MCTP1: variants seen among roughly 807,000 people sequenced by gnomAD.
MCTP1 encodes the protein multiple C2 and transmembrane domain-containing protein 1.
A neutral mutation model predicts 120.6 loss-of-function variants in MCTP1; 69 were observed. The observed-to-expected ratio is 0.57, with a 90% confidence interval of 0.47 to 0.70. MCTP1 has a LOEUF of 0.70. MCTP1 is among the 30% of genes least tolerant of loss of function. MCTP1 has a pLI of 0.00. For missense variants in MCTP1, 1,203 were observed against 1,248.8 expected (o/e 0.96, Z 0.55); for synonymous variants, 529 against 493.1 (o/e 1.07, Z -0.96).
intron 17 of MCTP1, among the ~76,000 whole-genome samples, chr5:94,824,554 A>T (rs1460332875): frequency 6.6e-6 from 1 of 152,180 alleles, no homozygotes; most frequent in African/African-American, 2.4e-5. Flanking sequence ...GCCTCATAAA[A>T]TGAGTTTGGG....
chr5:95,206,803 T>G (rs1751675897), intron 1 of MCTP1, among the ~76,000 whole-genome samples: 1 of 152,220 alleles, frequency 6.6e-6, no homozygotes, highest in African/African-American at 2.4e-5. Flanking sequence ...CCCAAAGTGC[T>G]GGGATTAAAG....
intron 18 of MCTP1, among the ~76,000 whole-genome samples, chr5:94,784,141 T>C (rs1249798219): frequency 1.3e-5 from 2 of 152,146 alleles, no homozygotes; most frequent in African/African-American, 4.8e-5. Flanking sequence ...TATTCATAGA[T>C]CATCCAAACT....
At chr5:94,939,922 G>T (rs1817162441) in intron 5 of MCTP1, among the ~76,000 whole-genome samples, 162 bp downstream of exon 5, 2 of 151,978 alleles carry the variant, frequency 1.3e-5, no homozygotes, top group Admixed American at 1.3e-4. Context: ...GAGTTGAAAA[G>T]ATACAGTAAG....
chr5:94,714,724 A>G, intron 20 of MCTP1, 53 bp downstream of exon 20: 1 of 1,076,652 alleles, frequency 9.3e-7, no homozygotes, highest in Non-Finnish European at 1.4e-6. Flanking sequence ...CCAAGAAACA[A>G]ATGGACACCT....
Position 95,284,585 on chromosome 5 carries a change from C to A in MCTP1, c.-10G>T. 6 of 1,416,780 alleles carry A rather than the reference C, an allele frequency of 4.2e-6. No homozygotes were observed. The highest frequency in any genetic ancestry group is 5.5e-6 in the Non-Finnish European group (6 of 1,098,370). 87.8% of individuals were successfully genotyped at this position (1,416,780 alleles called of 1,614,324 possible). A position where few individuals can be genotyped will look rare whatever the true frequency, so the allele number is the denominator to read the frequency against. On this transcript the variant is annotated 5_prime_UTR_variant, in exon 1 of 23. Transcript: ENST00000515393. This position sits in a 1 kb window ranked among gnomAD's most constrained non-coding sequence, Gnocchi z 5.2. ...CAGCCCGGGGCTCCATCCTCCACCC[C>A]CTGCTCCTCCTCTCCCCTCCTCCTC...
intron 1 of MCTP1, among the ~76,000 whole-genome samples, chr5:95,187,581 T>C (rs1749354781): frequency 6.6e-6 from 1 of 152,154 alleles, no homozygotes; most frequent in South Asian, 2.1e-4. Context: ...TTGATATTTT[T>C]AGTAGAGATA....
chr5:94,783,696 A>T (rs138668885), intron 18 of MCTP1, among the ~76,000 whole-genome samples: 2,631 of 152,204 alleles, frequency 0.017, 104 homozygotes, highest in African/African-American at 0.059. Flanking sequence ...CACCAATTTA[A>T]GGTATATGTT....
intron 1 of MCTP1, among the ~76,000 whole-genome samples, chr5:95,226,798 A>G (rs562436096): frequency 6.6e-6 from 1 of 152,278 alleles, no homozygotes; most frequent in African/African-American, 2.4e-5. Flanking sequence ...AACTATGTTG[A>G]TATCAAGATA....
chr5:94,794,737 GGATGCCT>G (rs1408490458), intron 18 of MCTP1, among the ~76,000 whole-genome samples: 1 of 152,208 alleles, frequency 6.6e-6, no homozygotes, highest in African/African-American at 2.4e-5. Context: ...AGGCTTAGCA[GGATGCCT>G]GATACATAGA....
intron 1 of MCTP1, among the ~76,000 whole-genome samples, chr5:95,118,496 G>A (rs1757983425): frequency 1.3e-5 from 2 of 152,016 alleles, no homozygotes; most frequent in South Asian, 4.2e-4. Context: ...AAAACAAACA[G>A]AAAACAAGTG....
At chr5:95,040,360 C>A (rs534177281) in intron 1 of MCTP1, among the ~76,000 whole-genome samples, 3 of 151,850 alleles carry the variant, frequency 2.0e-5, no homozygotes, top group African/African-American at 7.3e-5. Flanking sequence ...ATCGCTTGAA[C>A]CTGAGAGGCG....
rs1383276237 is a variant in MCTP1 at position 94,748,217 on chromosome 5, T to A, written c.2610+30893A>T. Among the ~76,000 whole-genome samples the A allele has an allele frequency of 3.0e-4, 45 of 152,222 alleles. 1 individual carries two copies. The highest frequency in any genetic ancestry group is 2.9e-3 in the Admixed American group (45 of 15,290). ...CTGTGTCTTCCAAAGGTATGTGGAC[T>A]TTTAAACTCAGTTTCTTCATCTTTT... On this transcript the variant is annotated intron_variant, in intron 19 of 22. Coordinates refer to ENST00000515393, the MANE Select transcript of MCTP1 (RefSeq NM_024717.7).
intron 2 of MCTP1, 85 bp downstream of exon 2, chr5:95,017,282 T>C (rs1039956887): frequency 1.4e-6 from 1 of 696,586 alleles, no homozygotes; most frequent in African/African-American, 1.8e-5. Context: ...GTTAATTTTT[T>C]ATAACTCAGG....
intron 2 of MCTP1, among the ~76,000 whole-genome samples, chr5:94,965,187 CCTT>C (rs961916051): frequency 2.0e-5 from 3 of 152,160 alleles, no homozygotes; most frequent in Non-Finnish European, 4.4e-5. Flanking sequence ...CTATATCTCT[CCTT>C]CATTTCTGAA....
In MCTP1 at chr5:95,014,278, A is replaced by AAC. The variant is rs1836646825; in HGVS notation, c.838+3088_838+3089insGT. ...GTCTCTAAAACAACAACAACAACAA[A>AAC]AAATCCATGATTTATGAGAGGAGGT... On this transcript the variant is annotated intron_variant, in intron 2 of 22. Coordinates refer to ENST00000515393, the MANE Select transcript of MCTP1 (RefSeq NM_024717.7). 3.2e-5 allele frequency among the ~76,000 whole-genome samples: 4 copies of AAC among 125,918 alleles called. No individual in the cohort carries two copies. In the East Asian group the frequency reaches 7.4e-4, roughly 23 times the overall value. The allele number at this position is 125,918 out of a possible 152,430, so 82.6% of individuals were successfully genotyped here.
intron 1 of MCTP1, among the ~76,000 whole-genome samples, chr5:95,165,881 C>A (rs905012541): frequency 1.8e-4 from 27 of 152,160 alleles, no homozygotes; most frequent in African/African-American, 6.5e-4. Context: ...CAGAATTTTG[C>A]ACTGACCTAC....
intron 17 of MCTP1, among the ~76,000 whole-genome samples, chr5:94,834,768 C>T (rs542940901): frequency 1.3e-5 from 2 of 151,316 alleles, no homozygotes; most frequent in South Asian, 4.2e-4. Flanking sequence ...ATTAGGAGAC[C>T]TGGTAACTGG....
chr5:95,224,836 T>C (rs530620315), intron 1 of MCTP1, among the ~76,000 whole-genome samples: 8 of 152,146 alleles, frequency 5.3e-5, no homozygotes, highest in Middle Eastern at 3.4e-3. Context: ...ACACCCCCAA[T>C]CATTTGTTTT....
At chr5:94,983,144 T>C (rs909998913) in intron 2 of MCTP1, among the ~76,000 whole-genome samples, 4 of 151,950 alleles carry the variant, frequency 2.6e-5, no homozygotes, top group African/African-American at 7.2e-5. Flanking sequence ...CCACGAGAAA[T>C]TGAATTCTGC....
Sources: allele counts gnomAD v4.1 joint callset (sites outside exome capture counted in the v4.1 genomes callset), GRCh38; gene constraint gnomAD v4.1.1; non-coding constraint Gnocchi (gnomAD v3.1); transcripts MANE v1.5; gene names NCBI Gene and HGNC (gene_info 2026-07-23, HGNC 2026-07-21).